The following TAF4B variants were observed in gnomAD, a reference collection of about 807,000 sequenced individuals.
The protein encoded by TAF4B is transcription initiation factor TFIID subunit 4B.
A neutral mutation model predicts 86.4 loss-of-function variants in TAF4B; 38 were observed. The observed-to-expected ratio is 0.44, with a 90% CI of 0.34 to 0.58. The LOEUF is 0.58. Among genes scored for constraint, TAF4B ranks in the 20% least tolerant of loss-of-function variants. TAF4B has a pLI of 0.02. For missense variants in TAF4B, 988 were observed against 1,027.6 expected (o/e 0.96, Z 0.53); for synonymous variants, 388 against 391.2 (o/e 0.99, Z 0.10).
Position 26,275,071 on chromosome 18 carries a change from A to G in TAF4B, c.882+18A>G. ...AACTTTTGGTAAGTAGTGCTATAAAATCCTGCAAATTCTGGAGGAATCCAT... is the reference window on the plus strand; with the variant it reads ...AACTTTTGGTAAGTAGTGCTATAAAGTCCTGCAAATTCTGGAGGAATCCAT... On this transcript the variant is annotated intron_variant, in intron 5 of 14. Transcript: ENST00000269142. 1 of 1,589,486 alleles carries G rather than the reference A, an allele frequency of 6.3e-7. No homozygotes were observed. The highest frequency in any genetic ancestry group is 2.2e-5 in the East Asian group (1 of 44,640).
chr18:26,226,833 T>A lies in TAF4B; in HGVS notation c.-101T>A. ...CCCGCGCCTCTCCCCAGCGATGCTG[T>A]GGAACCCGAACCGCACCGGAGTCGG... On this transcript the variant is annotated 5_prime_UTR_variant, in exon 1 of 15. Coordinates refer to ENST00000269142, the MANE Select transcript of TAF4B (RefSeq NM_005640.3). The A allele has an allele frequency of 1.0e-6, 1 of 981,880 alleles. No individual in the cohort carries two copies. Among genetic ancestry groups the A allele is most frequent in the Middle Eastern group, 3.4e-4 (1 of 2,926 alleles). The allele number at this position is 981,880 out of a possible 1,614,324, so 60.8% of individuals were successfully genotyped here.
At chr18:26,379,929 G>A (rs2057466993) in intron 14 of TAF4B, among the ~76,000 whole-genome samples, 2 of 152,000 alleles carry the variant, frequency 1.3e-5, no homozygotes, top group Non-Finnish European at 2.9e-5. Flanking sequence ...ATTGAAAGTA[G>A]TATTTTAAAA....
intron 14 of TAF4B, among the ~76,000 whole-genome samples, chr18:26,362,482 ACTTT>A (rs953921984): frequency 1.3e-5 from 2 of 152,228 alleles, no homozygotes; most frequent in African/African-American, 4.8e-5. Context: ...TTTAGAGAAT[ACTTT>A]CTAATTTATA....
intron 13 of TAF4B, among the ~76,000 whole-genome samples, chr18:26,335,692 G>C (rs1400265776): frequency 1.3e-5 from 2 of 152,132 alleles, no homozygotes; most frequent in East Asian, 3.8e-4. Flanking sequence ...GCAGTTTTCT[G>C]TTCTGGAATG....
At chr18:26,382,526 G>A (rs1048042120) in intron 14 of TAF4B, among the ~76,000 whole-genome samples, 1 of 152,066 alleles carries the variant, frequency 6.6e-6, no homozygotes, top group African/African-American at 2.4e-5. Flanking sequence ...AGTAGGTGAG[G>A]TAAGATGTTA....
At chr18:26,278,423 C>A (rs2056408318) in intron 5 of TAF4B, among the ~76,000 whole-genome samples, 1 of 151,988 alleles carries the variant, frequency 6.6e-6, no homozygotes, top group African/African-American at 2.4e-5. Flanking sequence ...TTCCACTTCA[C>A]CCTCCAAGTA....
chr18:26,302,889 C>T (rs2056752043), intron 9 of TAF4B, among the ~76,000 whole-genome samples: 1 of 152,010 alleles, frequency 6.6e-6, no homozygotes, highest in Non-Finnish European at 1.5e-5. Flanking sequence ...TGCCTCTAAT[C>T]AATAGTTAAT....
chr18:26,270,284 C>G (rs1247353225), intron 3 of TAF4B, among the ~76,000 whole-genome samples: 2 of 152,116 alleles, frequency 1.3e-5, no homozygotes, highest in East Asian at 3.8e-4. Context: ...TTGGATATTA[C>G]TTCTTAGAGT....
At chr18:26,377,739 A>G (rs1339164144) in intron 14 of TAF4B, among the ~76,000 whole-genome samples, 2 of 152,192 alleles carry the variant, frequency 1.3e-5, no homozygotes, top group Non-Finnish European at 2.9e-5. Flanking sequence ...ATGACAGTTC[A>G]TCTTCTGGAT....
chr18:26,383,474 A>C (rs1344337245), intron 14 of TAF4B, among the ~76,000 whole-genome samples: 1 of 152,192 alleles, frequency 6.6e-6, no homozygotes, highest in African/African-American at 2.4e-5. Flanking sequence ...CTTGAAATGA[A>C]GAGGAGGAAG....
intron 1 of TAF4B, chr18:26,255,727 G>A (rs551846706): frequency 1.7e-5 from 27 of 1,595,770 alleles, no homozygotes; most frequent in African/African-American, 1.6e-4. Context: ...GGCAGAGGCT[G>A]TGGCCCCTGC....
At chr18:26,266,161 G>A (rs1382334241) in intron 2 of TAF4B, 1 of 152,108 alleles carries the variant, frequency 6.6e-6, no homozygotes, top group Non-Finnish European at 1.5e-5. Flanking sequence ...TACCCAGGCT[G>A]GAGTGCAATG....
At chr18:26,255,059 A>G (rs2056061947) in intron 1 of TAF4B, among the ~76,000 whole-genome samples, 1 of 152,160 alleles carries the variant, frequency 6.6e-6, no homozygotes, top group Non-Finnish European at 1.5e-5. Context: ...GTAGCCAGCC[A>G]CCTTAAAAAA....
intron 12 of TAF4B, among the ~76,000 whole-genome samples, chr18:26,333,364 G>T (rs924792943): frequency 6.7e-6 from 1 of 150,248 alleles, no homozygotes; most frequent in African/African-American, 2.5e-5. Context: ...GGGACTACAG[G>T]TGCATGCCAC....
chr18:26,236,497 G>A (rs1598707666), intron 1 of TAF4B, among the ~76,000 whole-genome samples: 1 of 152,292 alleles, frequency 6.6e-6, no homozygotes. Context: ...CTGGTCGGGG[G>A]CCTCTGGCTC....
chr18:26,328,172 C>T (rs1054039065), intron 12 of TAF4B, among the ~76,000 whole-genome samples: 3 of 152,052 alleles, frequency 2.0e-5, no homozygotes, highest in African/African-American at 2.4e-5. Context: ...ATTTTGAGGC[C>T]GGGCACAGTG....
intron 1 of TAF4B, among the ~76,000 whole-genome samples, chr18:26,233,983 A>T (rs1164694920): frequency 6.6e-6 from 1 of 152,162 alleles, no homozygotes; most frequent in Non-Finnish European, 1.5e-5. Context: ...TGGCCATTTG[A>T]TGAATGTTCT....
chr18:26,379,295 G>T (rs372413617), intron 14 of TAF4B, among the ~76,000 whole-genome samples: 1 of 152,022 alleles, frequency 6.6e-6, no homozygotes, highest in African/African-American at 2.4e-5. Flanking sequence ...ATGTTGTGAA[G>T]ATTTACCCTG....
intron 1 of TAF4B, among the ~76,000 whole-genome samples, chr18:26,236,469 G>A (rs1471810696): frequency 1.3e-5 from 2 of 152,156 alleles, no homozygotes; most frequent in Non-Finnish European, 2.9e-5. Context: ...AGCACCCTCA[G>A]TCCTGTTGTT....
Sources: allele counts gnomAD v4.1 joint callset (sites outside exome capture counted in the v4.1 genomes callset), GRCh38; gene constraint gnomAD v4.1.1; transcripts MANE v1.5; gene names NCBI Gene and HGNC (gene_info 2026-07-23, HGNC 2026-07-21).